The following STMND1 variants were observed in gnomAD, a reference collection of about 807,000 sequenced individuals.
STMND1 encodes the protein stathmin domain containing 1, also known as stathmin domain-containing protein 1.
A neutral mutation model predicts 23.0 loss-of-function variants in STMND1; 17 were observed. That is an observed-to-expected ratio of 0.74 (90% CI 0.51 to 1.11). The LOEUF (loss-of-function observed/expected upper bound fraction) is 1.11, where lower values mean the gene tolerates loss of function less well. STMND1 is among the 50% of genes least tolerant of loss of function. STMND1 has a pLI of 0.00. For missense variants in STMND1, 305 were observed against 329.1 expected (o/e 0.93, Z 0.57); for synonymous variants, 114 against 119.9 (o/e 0.95, Z 0.32).
At chr6:17,120,273 A>G (rs763598691) in intron 2 of STMND1, among the ~76,000 whole-genome samples, 6 of 152,240 alleles carry the variant, frequency 3.9e-5, no homozygotes, top group African/African-American at 7.2e-5. Flanking sequence ...GTTTAGCTTC[A>G]TAATTGGTCG....
chr6:17,114,126 A>C (rs1761128178), intron 1 of STMND1, among the ~76,000 whole-genome samples: 1 of 152,188 alleles, frequency 6.6e-6, no homozygotes, highest in Non-Finnish European at 1.5e-5. Flanking sequence ...TTATTATTAC[A>C]TTGTAATATA....
intron 2 of STMND1, 109 bp downstream of exon 2, chr6:17,115,248 G>A (rs1761143610): frequency 4.8e-6 from 5 of 1,037,754 alleles, no homozygotes; most frequent in South Asian, 3.6e-5. Context: ...TCTGGGCCAT[G>A]AAGTACATTA....
chr6:17,108,200 A>G (rs1034907068), intron 1 of STMND1, among the ~76,000 whole-genome samples: 1 of 152,248 alleles, frequency 6.6e-6, no homozygotes, highest in African/African-American at 2.4e-5. Flanking sequence ...TGGATTCCAA[A>G]TCCAAGTAGT....
chr6:17,128,589 T>C (rs1184862568), intron 3 of STMND1: 2 of 152,336 alleles, frequency 1.3e-5, no homozygotes, highest in African/African-American at 4.8e-5. Context: ...CTTTTTGTAA[T>C]AGCCTGGTGC....
intron 2 of STMND1, among the ~76,000 whole-genome samples, chr6:17,118,209 A>G (rs1204977119): frequency 6.6e-6 from 1 of 152,176 alleles, no homozygotes. Context: ...GTTTTCTTGT[A>G]TAATTTCACT....
intron 3 of STMND1, among the ~76,000 whole-genome samples, chr6:17,123,823 C>T (rs1225075299): frequency 6.6e-6 from 1 of 152,146 alleles, no homozygotes; most frequent in Admixed American, 6.5e-5. Context: ...AAAAGAGATG[C>T]AGTTTCTGTG....
chr6:17,121,622 TA>T (rs1354964582), intron 3 of STMND1, among the ~76,000 whole-genome samples: 4 of 152,066 alleles, frequency 2.6e-5, no homozygotes, highest in African/African-American at 7.2e-5. Context: ...AAAAATAAAG[TA>T]AAACTTTAAA....
chr6:17,118,105 A>C (rs1340660793), intron 2 of STMND1, among the ~76,000 whole-genome samples: 1 of 152,194 alleles, frequency 6.6e-6, no homozygotes, highest in Non-Finnish European at 1.5e-5. Context: ...TTTTTAATCT[A>C]GTAACATTTA....
At position 17,102,177 on chromosome 6, in the gene STMND1, A is replaced by G; in HGVS notation, c.-81A>G. The G allele has an allele frequency of 1.5e-6, 2 of 1,369,256 alleles. No homozygotes were observed. The highest frequency in any genetic ancestry group is 1.9e-6 in the Non-Finnish European group (2 of 1,056,802). 84.8% of individuals were successfully genotyped at this position (1,369,256 alleles called of 1,614,324 possible). On this transcript the variant is annotated 5_prime_UTR_variant, in exon 1 of 5. Coordinates refer to ENST00000536551, the MANE Select transcript of STMND1 (RefSeq NM_001190766.2). ...GCGCAGGGCGCAGGAGCGCGGGACC[A>G]CCGGCGCCGGAGCGCGGCAGGGAGC...
At position 17,116,441 on chromosome 6, in the gene STMND1, A is replaced by G. The variant is rs1036809648; in HGVS notation, c.259+1302A>G. Reference sequence around the variant, plus strand: ...TCTCTGCTCTTCAAATCTGCAGAGTATACCTCTTTTTTTTTTGAGACAGAG... The same window carrying G: ...TCTCTGCTCTTCAAATCTGCAGAGTGTACCTCTTTTTTTTTTGAGACAGAG... On this transcript the variant is annotated intron_variant, in intron 2 of 4. Coordinates refer to ENST00000536551, the MANE Select transcript of STMND1 (RefSeq NM_001190766.2). Among the ~76,000 whole-genome samples the G allele has an allele frequency of 7.2e-5, 11 of 151,996 alleles. No homozygotes were observed. In the South Asian group the frequency reaches 8.3e-4, roughly 11 times the overall value.
intron 1 of STMND1, among the ~76,000 whole-genome samples, chr6:17,111,299 C>T (rs1045794153): frequency 2.0e-5 from 3 of 152,122 alleles, no homozygotes; most frequent in South Asian, 2.1e-4. Flanking sequence ...CAGTATTTAT[C>T]GAGGGCCTTC....
At chr6:17,114,197 TCC>T (rs1296983667) in intron 1 of STMND1, among the ~76,000 whole-genome samples, 1 of 152,062 alleles carries the variant, frequency 6.6e-6, no homozygotes, top group Non-Finnish European at 1.5e-5. Flanking sequence ...GAGCTTGTCT[TCC>T]TGCAACTAGA....
rs1208364006 is a variant in STMND1 at position 17,115,159 on chromosome 6, A to G, written c.259+20A>G. On this transcript the variant is annotated intron_variant, in intron 2 of 4. Transcript: ENST00000536551. Reference sequence around the variant, plus strand: ...ATTCAGGTAACCTCCCTCTGCCCCCATTCACGTAGATCTTCACAAAATACT... The same window carrying G: ...ATTCAGGTAACCTCCCTCTGCCCCCGTTCACGTAGATCTTCACAAAATACT... 1 of 1,525,574 alleles carries G rather than the reference A, an allele frequency of 6.6e-7. No individual in the cohort carries two copies. The highest frequency in any genetic ancestry group is 8.8e-7 in the Non-Finnish European group (1 of 1,142,326). The allele number at this position is 1,525,574 out of a possible 1,614,324, so 94.5% of individuals were successfully genotyped here. A position where few individuals can be genotyped will look rare whatever the true frequency, so the allele number is the denominator to read the frequency against.
At chr6:17,115,211 T>C in intron 2 of STMND1, 72 bp downstream of exon 2, 1 of 1,386,584 alleles carries the variant, frequency 7.2e-7, no homozygotes, top group Admixed American at 2.5e-5. Context: ...TTACAAGGTT[T>C]CTTTGGTGGT....
intron 3 of STMND1, 94 bp from the exon 4 acceptor site, chr6:17,129,018 T>C (rs1426179184): frequency 7.5e-7 from 1 of 1,336,674 alleles, no homozygotes; most frequent in African/African-American, 1.5e-5. Flanking sequence ...CAGACTAGAA[T>C]TTACATTTTA....
At chr6:17,118,323 C>T (rs1451549342) in intron 2 of STMND1, among the ~76,000 whole-genome samples, 1 of 151,900 alleles carries the variant, frequency 6.6e-6, no homozygotes, top group Non-Finnish European at 1.5e-5. Context: ...TGATGTCAAA[C>T]TTATAAAAAT....
At chr6:17,105,085 A>G (rs1055489310) in intron 1 of STMND1, among the ~76,000 whole-genome samples, 1 of 152,246 alleles carries the variant, frequency 6.6e-6, no homozygotes, top group Non-Finnish European at 1.5e-5. Context: ...GTATTTATGA[A>G]TAATCTACAG....
At position 17,102,209 on chromosome 6, in the gene STMND1, G is replaced by A; in HGVS notation, c.-49G>A. The stretch of plus-strand genomic sequence containing the variant: ...CCGGAGCGCGGCAGGGAGCGCTCGC[G>A]GGGGCGCACAGCAGCCAAGCCCGCG... On this transcript the variant is annotated 5_prime_UTR_variant, in exon 1 of 5. Coordinates refer to ENST00000536551, the MANE Select transcript of STMND1 (RefSeq NM_001190766.2). 2 of 1,487,660 alleles carry A rather than the reference G, an allele frequency of 1.3e-6. No homozygotes were observed. Among genetic ancestry groups the A allele is most frequent in the Non-Finnish European group, 1.8e-6 (2 of 1,126,634 alleles). 92.2% of individuals were successfully genotyped at this position (1,487,660 alleles called of 1,614,324 possible). A position where few individuals can be genotyped will look rare whatever the true frequency, so the allele number is the denominator to read the frequency against.
rs1178520104 is a variant in STMND1, at chr6:17,102,163, AGGAGCGCGGGACCACCGGCGCC to A, written c.-85_-64del. The stretch of plus-strand genomic sequence containing the variant: ...AGCAGGGGCGTAGGGCGCAGGGCGC[AGGAGCGCGGGACCACCGGCGCC>A]GGAGCGCGGCAGGGAGCGCTCGCGG... On this transcript the variant is annotated 5_prime_UTR_variant, in exon 1 of 5. Coordinates refer to ENST00000536551, the MANE Select transcript of STMND1 (RefSeq NM_001190766.2). 33 of 1,279,166 alleles carry A rather than the reference AGGAGCGCGGGACCACCGGCGCC, an allele frequency of 2.6e-5. No homozygotes were observed. Among genetic ancestry groups the A allele is most frequent in the Non-Finnish European group, 3.4e-5 (33 of 982,448 alleles). 79.2% of individuals were successfully genotyped at this position (1,279,166 alleles called of 1,614,324 possible). A position where few individuals can be genotyped will look rare whatever the true frequency, so the allele number is the denominator to read the frequency against.
Sources: allele counts gnomAD v4.1 joint callset (sites outside exome capture counted in the v4.1 genomes callset), GRCh38; gene constraint gnomAD v4.1.1; transcripts MANE v1.5; gene names NCBI Gene and HGNC (gene_info 2026-07-23, HGNC 2026-07-21).